LMO7: variants seen among roughly 807,000 people sequenced by gnomAD.
The protein encoded by LMO7 is LIM domain only protein 7.
Under a neutral mutation model 206.5 loss-of-function variants are expected in LMO7, and 120 were observed. The observed-to-expected ratio is 0.58, with a 90% CI of 0.50 to 0.68. The LOEUF is 0.68. Ranked by LOEUF, LMO7 falls within the 30% of genes least tolerant of loss-of-function variation. The pLI, the probability that LMO7 is intolerant of heterozygous loss-of-function variation, is 0.00. For missense variants in LMO7, 1,959 were observed against 1,957.9 expected (o/e 1.00, Z -0.01); for synonymous variants, 706 against 681.5 (o/e 1.04, Z -0.56).
intron 3 of LMO7, among the ~76,000 whole-genome samples, chr13:75,740,090 T>G (rs1455677750): frequency 6.6e-6 from 1 of 152,228 alleles, no homozygotes; most frequent in African/African-American, 2.4e-5. Context: ...TTTGTATGGT[T>G]GAAGAGAAAA....
At chr13:75,624,366 G>C (rs4885329) in intron 2 of LMO7, among the ~76,000 whole-genome samples, 123,034 of 152,182 alleles carry the variant, frequency 0.81, 50,161 homozygotes, top group East Asian at 0.92. Context: ...CCTCTCTGCT[G>C]TATGTCAAGG....
intron 1 of LMO7, 107 bp from the exon 2 acceptor site, chr13:75,713,075 A>G (rs73225957): frequency 0.01 from 6,902 of 685,392 alleles, 43 homozygotes; most frequent in Middle Eastern, 0.014. Flanking sequence ...TATATATGCA[A>G]ATCCTTCAAG....
At chr13:75,708,334 A>G (rs773995147) in intron 1 of LMO7, among the ~76,000 whole-genome samples, 2 of 152,228 alleles carry the variant, frequency 1.3e-5, no homozygotes, top group Non-Finnish European at 2.9e-5. Flanking sequence ...GCCACTTGCT[A>G]CATGCTGCCC....
At chr13:75,771,568 G>GACTTTAAAAACAGAATTTTTAAAC (rs1458242927) in intron 4 of LMO7, among the ~76,000 whole-genome samples, 1 of 152,146 alleles carries the variant, frequency 6.6e-6, no homozygotes, top group Admixed American at 6.5e-5. Flanking sequence ...AATTTTTAAA[G>GACTTTAAAAACAGAATTTTTAAAC]ACTTTAAAAA....
intron 8 of LMO7, chr13:75,804,866 T>G (rs1481120015): frequency 9.5e-7 from 1 of 1,047,514 alleles, no homozygotes; most frequent in Non-Finnish European, 1.1e-6. Flanking sequence ...TTGATCTTAG[T>G]GGACATGAAA....
chr13:75,767,581 A>G (rs1171332815), intron 4 of LMO7, among the ~76,000 whole-genome samples: 5 of 152,046 alleles, frequency 3.3e-5, no homozygotes, highest in Non-Finnish European at 7.4e-5. Flanking sequence ...CCTCAAAAAA[A>G]AAGTCACATT....
upstream of LMO7, among the ~76,000 whole-genome samples, chr13:75,635,028 C>CAAAAAA (rs984451343): frequency 4.9e-4 from 66 of 135,786 alleles, 1 homozygote; most frequent in African/African-American, 1.6e-3. Flanking sequence ...CAAAACAAAA[C>CAAAAAA]AAAACAAAAC....
At chr13:75,634,448 C>T (rs1319255643), upstream of LMO7, among the ~76,000 whole-genome samples, 2 of 143,028 alleles carry the variant, frequency 1.4e-5, no homozygotes, top group African/African-American at 5.1e-5. Flanking sequence ...ACTTAAAAAA[C>T]AAACAAGAAC....
At position 75,804,353 on chromosome 13, in the gene LMO7, G is replaced by A. The variant is rs2055164770; in HGVS notation, c.726G>A (p.Met242Ile). Residue 242 changes from methionine to isoleucine, a missense_variant, in exon 8 of 31, where the codon ATG (methionine) becomes ATA (isoleucine). By Grantham distance (10) the Met-to-Ile change is conservative (BLOSUM62 1). Transcript: ENST00000377534. ...TGCAGGATTATAATAAAGATGATAT[G>A]TCGTATCGAAGGATTTCGGCTGTTG... The part of the protein sequence containing the change: ...FKMQDYNKDD[M>I]SYRRISAVEP... 6.2e-7 allele frequency: 1 copy of A among 1,614,068 alleles called. No individual in the cohort carries two copies. Among genetic ancestry groups the A allele is most frequent in the Non-Finnish European group, 8.5e-7 (1 of 1,179,918 alleles).
At chr13:75,750,377 C>CTTTTT (rs34407423) in intron 3 of LMO7, among the ~76,000 whole-genome samples, 1 of 93,380 alleles carries the variant, frequency 1.1e-5, no homozygotes, top group African/African-American at 4.2e-5. Context: ...CTGGGGGATC[C>CTTTTT]TTTTTTTTTT....
At chr13:75,721,783 G>A (rs988822459) in intron 2 of LMO7, among the ~76,000 whole-genome samples, 85 of 152,312 alleles carry the variant, frequency 5.6e-4, no homozygotes, top group African/African-American at 2.0e-3. Context: ...AAACATGGGT[G>A]TGCAAGTATC....
intron 1 of LMO7, among the ~76,000 whole-genome samples, chr13:75,696,495 A>G (rs999096630): frequency 1.8e-4 from 28 of 152,158 alleles, no homozygotes; most frequent in African/African-American, 6.3e-4. Context: ...AAAATCAAGC[A>G]CCTGTTTATA....
intron 1 of LMO7, among the ~76,000 whole-genome samples, chr13:75,637,093 A>C (rs1044062986): frequency 7.3e-5 from 11 of 149,988 alleles, no homozygotes; most frequent in Admixed American, 1.4e-4. Context: ...GAGCTGGGCC[A>C]GGGCTCTCGG....
At chr13:75,644,056 T>G (rs938142062) in intron 1 of LMO7, among the ~76,000 whole-genome samples, 7 of 152,240 alleles carry the variant, frequency 4.6e-5, no homozygotes, top group Middle Eastern at 3.4e-3. Context: ...TTTGACTCAG[T>G]ATTCTGAAGA....
intron 11 of LMO7, among the ~76,000 whole-genome samples, chr13:75,816,602 A>G (rs1242390307): frequency 1.3e-5 from 2 of 152,250 alleles, no homozygotes; most frequent in Non-Finnish European, 2.9e-5. Flanking sequence ...AAGGACTATT[A>G]GAAACTACCT....
At chr13:75,804,693 T>A in intron 8 of LMO7, 152 bp downstream of exon 8, 1 of 1,124,056 alleles carries the variant, frequency 8.9e-7, no homozygotes, top group Non-Finnish European at 1.2e-6. Context: ...TATTTTTAGT[T>A]ATACATATCT....
At chr13:75,648,921 G>A (rs1014793431) in intron 1 of LMO7, among the ~76,000 whole-genome samples, 4 of 152,188 alleles carry the variant, frequency 2.6e-5, no homozygotes, top group African/African-American at 9.7e-5. Context: ...GTGCAGACAT[G>A]GTGGACAGCA....
At chr13:75,721,104 A>G (rs2043983920) in intron 2 of LMO7, among the ~76,000 whole-genome samples, 1 of 152,226 alleles carries the variant, frequency 6.6e-6, no homozygotes, top group African/African-American at 2.4e-5. Flanking sequence ...TCTTTTGATC[A>G]ACATTGACAA....
chr13:75,836,774 G>A (rs1224008409), intron 19 of LMO7, among the ~76,000 whole-genome samples: 1 of 152,152 alleles, frequency 6.6e-6, no homozygotes, highest in African/African-American at 2.4e-5. Flanking sequence ...CTGGCAATGG[G>A]AATCTTAGTT....
Sources: gnomAD v4.1 joint callset for allele counts (sites outside exome capture counted in the v4.1 genomes callset) on GRCh38, gnomAD v4.1.1 for gene constraint, MANE v1.5 for transcripts, NCBI Gene and HGNC (gene_info 2026-07-23, HGNC 2026-07-21) for gene names.